Variants in GLIS1 observed in about 807,000 individuals in gnomAD.
The protein encoded by GLIS1 is zinc finger protein GLIS1.
GLIS1 carries 24 observed loss-of-function variants against 63.8 expected under a neutral mutation model. The observed-to-expected ratio is 0.38, with a 90% CI of 0.27 to 0.53. The LOEUF (loss-of-function observed/expected upper bound fraction) is 0.53. Among genes scored for constraint, GLIS1 ranks in the 20% least tolerant of loss-of-function variants. The probability of loss-of-function intolerance (pLI) is 0.85; values close to 1 mark genes in which losing one functional copy is unlikely to be tolerated. For synonymous variants in GLIS1, 450 were observed against 482.5 expected (o/e 0.93, Z 0.88); for missense variants, 1,036 against 1,074.1 (o/e 0.96, Z 0.50).
intron 2 of GLIS1, among the ~76,000 whole-genome samples, chr1:53,665,836 T>C (rs899721502): frequency 6.6e-6 from 1 of 152,112 alleles, no homozygotes; most frequent in Non-Finnish European, 1.5e-5. Context: ...AAAGGTCAAA[T>C]ACAATGACGC....
intron 2 of GLIS1, among the ~76,000 whole-genome samples, chr1:53,603,462 T>G (rs1645338934): frequency 6.6e-6 from 1 of 152,172 alleles, no homozygotes; most frequent in Non-Finnish European, 1.5e-5. Flanking sequence ...CAAACACGTG[T>G]CCCAGAAATG....
chr1:53,585,417 T>G (rs973271200), intron 4 of GLIS1, among the ~76,000 whole-genome samples: 1 of 151,990 alleles, frequency 6.6e-6, no homozygotes, highest in African/African-American at 2.4e-5. Flanking sequence ...AGTAAGGGAT[T>G]TGAACCTTAG....
At chr1:53,626,497 C>G (rs1645595468) in intron 2 of GLIS1, among the ~76,000 whole-genome samples, 1 of 152,220 alleles carries the variant, frequency 6.6e-6, no homozygotes, top group Non-Finnish European at 1.5e-5. Flanking sequence ...CCCTCCCTGA[C>G]CTGAGAAGTC....
chr1:53,614,847 C>T (rs1308947490), intron 2 of GLIS1, among the ~76,000 whole-genome samples: 5 of 151,810 alleles, frequency 3.3e-5, no homozygotes, highest in African/African-American at 9.7e-5. Flanking sequence ...TGCACACACA[C>T]GGACTCTCAC....
At chr1:53,698,885 T>C (rs1399423813) in intron 2 of GLIS1, among the ~76,000 whole-genome samples, 1 of 152,034 alleles carries the variant, frequency 6.6e-6, no homozygotes, top group Non-Finnish European at 1.5e-5. Context: ...CAAACCCCAC[T>C]GAGGAAATGG....
chr1:53,588,166 T>C (rs1645154601), intron 4 of GLIS1, among the ~76,000 whole-genome samples: 1 of 152,202 alleles, frequency 6.6e-6, no homozygotes. Flanking sequence ...GCCAAGCTTA[T>C]AAAGCCAGGC....
At chr1:53,524,231 C>T (rs1254448234) in intron 6 of GLIS1, among the ~76,000 whole-genome samples, 1 of 152,244 alleles carries the variant, frequency 6.6e-6, no homozygotes, top group Non-Finnish European at 1.5e-5. Flanking sequence ...CGGGCCCACT[C>T]CGCGCTCACA....
chr1:53,513,392 G>A (rs1476371071), intron 8 of GLIS1, among the ~76,000 whole-genome samples: 1 of 152,110 alleles, frequency 6.6e-6, no homozygotes, highest in Non-Finnish European at 1.5e-5. Context: ...CCCAGGCCTT[G>A]GGATCTGGAC....
chr1:53,606,018 A>G (rs1318271861), intron 2 of GLIS1, among the ~76,000 whole-genome samples: 1 of 152,160 alleles, frequency 6.6e-6, no homozygotes, highest in Non-Finnish European at 1.5e-5. Flanking sequence ...CTTTCTAGCT[A>G]TTTGACCCTA....
intron 4 of GLIS1, among the ~76,000 whole-genome samples, chr1:53,569,852 A>T (rs1000005714): frequency 1.3e-5 from 2 of 152,146 alleles, no homozygotes; most frequent in Non-Finnish European, 2.9e-5. Flanking sequence ...AACAAAAAGC[A>T]TAAGAAGACT....
intron 4 of GLIS1, among the ~76,000 whole-genome samples, chr1:53,593,437 G>A (rs577437371): frequency 1.8e-4 from 28 of 152,354 alleles, no homozygotes; most frequent in Non-Finnish European, 1.5e-5. Flanking sequence ...GCGCGTGTGT[G>A]TGCACGCGTG....
At position 53,597,211 on chromosome 1, in the gene GLIS1, A is replaced by C. The variant is rs1424450319; in HGVS notation, c.438-2221T>G. On this transcript the variant is annotated intron_variant, in intron 3 of 10. Transcript: ENST00000628545. ...AAAAAAAAAAAAAAAAAAAAAAAAA[A>C]CACTACAAAAAATTAGCCGGGTGTG... 6.1e-5 allele frequency among the ~76,000 whole-genome samples: 7 copies of C among 114,952 alleles called. No individual in the cohort carries two copies. The South Asian group carries it at 9.1e-4, about 15-fold the overall frequency. The allele number at this position is 114,952 out of a possible 152,430, so 75.4% of individuals were successfully genotyped here.
chr1:53,517,487 A>G (rs1644364450), intron 7 of GLIS1, among the ~76,000 whole-genome samples: 1 of 151,944 alleles, frequency 6.6e-6, no homozygotes, highest in African/African-American at 2.4e-5. Context: ...TCTTGAACCA[A>G]TTTGGGGGCC....
At chr1:53,612,975 C>T (rs902714998) in intron 2 of GLIS1, among the ~76,000 whole-genome samples, 1 of 152,122 alleles carries the variant, frequency 6.6e-6, no homozygotes, top group Non-Finnish European at 1.5e-5. Context: ...CCCACCACCA[C>T]GTGCGGCTAA....
intron 4 of GLIS1, among the ~76,000 whole-genome samples, chr1:53,534,917 G>C (rs1644567745): frequency 6.6e-6 from 1 of 152,154 alleles, no homozygotes; most frequent in African/African-American, 2.4e-5. Context: ...GCTGGCAGAG[G>C]CTGGGGAGCT....
In GLIS1 at chr1:53,506,331, G is replaced by A. The variant is rs1644230778; in HGVS notation, c.*288C>T. 1 of 430,988 alleles carries A rather than the reference G, an allele frequency of 2.3e-6. No individual in the cohort carries two copies. Among genetic ancestry groups the A allele is most frequent in the Non-Finnish European group, 4.1e-6 (1 of 241,058 alleles). 26.7% of individuals were successfully genotyped at this position (430,988 alleles called of 1,614,324 possible). On this transcript the variant is annotated 3_prime_UTR_variant, in exon 11 of 11. Coordinates refer to ENST00000628545, the MANE Select transcript of GLIS1 (RefSeq NM_001367484.1). The stretch of plus-strand genomic sequence containing the variant: ...CAAGTTCTGCATATTTTATATACAC[G>A]AGGTCTGTGATTTCAAAACCACTGC...
chr1:53,571,884 T>C lies in GLIS1; in HGVS notation c.1320+22224A>G, dbSNP rs148696135. 5.9e-3 allele frequency among the ~76,000 whole-genome samples: 898 copies of C among 152,298 alleles called. 4 individuals are homozygous for C. Among genetic ancestry groups the C allele is most frequent in the African/African-American group, 0.021 (860 of 41,574 alleles). On this transcript the variant is annotated intron_variant, in intron 4 of 10. Coordinates refer to ENST00000628545, the MANE Select transcript of GLIS1 (RefSeq NM_001367484.1). ...TGAGCCACCACGCCCGGCCAAAATCTTAAAAATATAATATTAAGTGAAAAA... is the reference window on the plus strand; with the variant it reads ...TGAGCCACCACGCCCGGCCAAAATCCTAAAAATATAATATTAAGTGAAAAA...
chr1:53,514,507 T>C, intron 8 of GLIS1, 118 bp downstream of exon 8: 1 of 1,000,776 alleles, frequency 1.0e-6, no homozygotes, highest in South Asian at 1.6e-5. Context: ...TCCCTGAAGG[T>C]TGGCTATTTT....
At chr1:53,580,676 A>C (rs1645076105) in intron 4 of GLIS1, among the ~76,000 whole-genome samples, 1 of 151,286 alleles carries the variant, frequency 6.6e-6, no homozygotes. Context: ...AAATGAGCGC[A>C]TCACAAGATC....
Sources: allele counts gnomAD v4.1 joint callset (sites outside exome capture counted in the v4.1 genomes callset), GRCh38; gene constraint gnomAD v4.1.1; transcripts MANE v1.5; gene names NCBI Gene and HGNC (gene_info 2026-07-23, HGNC 2026-07-21).